ITPR2: variants seen among roughly 807,000 people sequenced by gnomAD.
The protein encoded by ITPR2 is inositol 1,4,5-trisphosphate receptor type 2, also known as inositol 1,4,5-trisphosphate-gated calcium channel ITPR2.
A neutral mutation model predicts 317.1 loss-of-function variants in ITPR2; 207 were observed. The observed-to-expected ratio is 0.65, with a 90% CI of 0.58 to 0.73. The LOEUF is 0.73. Ranked by LOEUF, ITPR2 falls within the 30% of genes least tolerant of loss-of-function variation. The pLI is 0.00. For missense variants in ITPR2, 2,613 were observed against 3,284.0 expected (o/e 0.80, Z 4.99); for synonymous variants, 1,156 against 1,149.1 (o/e 1.01, Z -0.12).
At chr12:26,578,692 A>T in intron 34 of ITPR2, 21 bp downstream of exon 34, 2 of 1,568,886 alleles carry the variant, frequency 1.3e-6, no homozygotes, top group Non-Finnish European at 1.7e-6. Flanking sequence ...AAAAATAAGT[A>T]AAACTCAAAC....
At chr12:26,721,787 AT>A (rs1289350376) in intron 5 of ITPR2, among the ~76,000 whole-genome samples, 4 of 150,860 alleles carry the variant, frequency 2.7e-5, no homozygotes. Context: ...CATTAAAAAA[AT>A]TTTTTTTTTA....
chr12:26,511,479 T>C (rs769067832), intron 37 of ITPR2, among the ~76,000 whole-genome samples: 6 of 152,228 alleles, frequency 3.9e-5, no homozygotes, highest in Non-Finnish European at 5.9e-5. Context: ...GGTAGAGTGA[T>C]TGTTCATCAG....
chr12:26,466,986 C>T (rs934748391), intron 45 of ITPR2, among the ~76,000 whole-genome samples: 1 of 152,152 alleles, frequency 6.6e-6, no homozygotes, highest in African/African-American at 2.4e-5. Flanking sequence ...CAATTACAAA[C>T]CATCCTTCTG....
chr12:26,733,716 T>G (rs1422034498), intron 2 of ITPR2, among the ~76,000 whole-genome samples: 1 of 152,158 alleles, frequency 6.6e-6, no homozygotes, highest in African/African-American at 2.4e-5. Flanking sequence ...TGTATTCTTG[T>G]CAAGGTTTGA....
chr12:26,716,840 A>C (rs1306638940), intron 5 of ITPR2, among the ~76,000 whole-genome samples: 1 of 152,152 alleles, frequency 6.6e-6, no homozygotes, highest in Non-Finnish European at 1.5e-5. Context: ...AAATATATTA[A>C]ACTAATATTG....
chr12:26,450,605 G>T (rs1187997503), intron 45 of ITPR2, among the ~76,000 whole-genome samples: 1 of 152,102 alleles, frequency 6.6e-6, no homozygotes, highest in Admixed American at 6.6e-5. Context: ...ACTCACTACG[G>T]CAGGTGAATA....
intron 21 of ITPR2, among the ~76,000 whole-genome samples, chr12:26,650,478 T>C (rs1947222794): frequency 6.6e-6 from 1 of 152,222 alleles, no homozygotes; most frequent in Non-Finnish European, 1.5e-5. Flanking sequence ...GGTTCACTAG[T>C]TGTAATAAAT....
At chr12:26,744,542 C>T (rs181679609) in intron 2 of ITPR2, among the ~76,000 whole-genome samples, 5 of 152,358 alleles carry the variant, frequency 3.3e-5, no homozygotes, top group Admixed American at 3.3e-4. Context: ...ATGTCACCAT[C>T]TGATAAATGC....
intron 37 of ITPR2, among the ~76,000 whole-genome samples, chr12:26,548,229 T>G (rs1475464110): frequency 6.6e-6 from 1 of 152,204 alleles, no homozygotes; most frequent in East Asian, 1.9e-4. Context: ...CCGGTGGCAT[T>G]GAGGCTTGAT....
intron 55 of ITPR2, among the ~76,000 whole-genome samples, chr12:26,350,995 G>A (rs961722909): frequency 2.0e-5 from 3 of 152,156 alleles, no homozygotes; most frequent in Non-Finnish European, 4.4e-5. Context: ...GGACTGGGGA[G>A]GTCTAAGAAG....
chr12:26,820,028 G>A (rs1950915761), intron 1 of ITPR2, among the ~76,000 whole-genome samples: 1 of 152,134 alleles, frequency 6.6e-6, no homozygotes, highest in Non-Finnish European at 1.5e-5. Flanking sequence ...TCAAGATCAT[G>A]CCACTGCACT....
intron 1 of ITPR2, among the ~76,000 whole-genome samples, chr12:26,822,205 CA>C (rs1950947675): frequency 6.6e-6 from 1 of 152,098 alleles, no homozygotes; most frequent in African/African-American, 2.4e-5. Flanking sequence ...GTAATCTGCA[CA>C]AAGAAATTTT....
intron 2 of ITPR2, among the ~76,000 whole-genome samples, chr12:26,744,753 C>T (rs1251926239): frequency 1.3e-5 from 2 of 152,154 alleles, no homozygotes; most frequent in Non-Finnish European, 2.9e-5. Flanking sequence ...TCATAGCAGC[C>T]TGTAATTTCA....
At chr12:26,594,145 A>T (rs1325466356) in intron 32 of ITPR2, among the ~76,000 whole-genome samples, 4 of 152,224 alleles carry the variant, frequency 2.6e-5, no homozygotes, top group African/African-American at 9.6e-5. Flanking sequence ...TGCATAAAAC[A>T]GGACGATTTC....
intron 34 of ITPR2, among the ~76,000 whole-genome samples, chr12:26,563,790 T>C (rs915309053): frequency 8.5e-5 from 13 of 152,150 alleles, no homozygotes; most frequent in Non-Finnish European, 1.6e-4. Flanking sequence ...TCATACAGAA[T>C]TCCAGGTCAG....
chr12:26,484,923 G>T (rs1219277761), intron 41 of ITPR2, among the ~76,000 whole-genome samples: 1 of 152,084 alleles, frequency 6.6e-6, no homozygotes, highest in East Asian at 1.9e-4. Context: ...CACTGGGTTG[G>T]CCAGGATGGT....
chr12:26,580,143 T>A lies in ITPR2; in HGVS notation c.4393A>T (p.Thr1465Ser), dbSNP rs1945367418. 1 of 1,611,538 alleles carries A rather than the reference T, an allele frequency of 6.2e-7. No individual in the cohort carries two copies. The highest frequency in any genetic ancestry group is 1.3e-5 in the African/African-American group (1 of 74,870). ...ATGTCTGCATGTTTCCTGTCTGTAG[T>A]TGTGTTGCAAACCTGGAGAGAAAAT... ...LVDMARVCNT[T>S]TDRKHADIFL... The change falls in exon 33 of 57, where the codon ACT becomes TCT. Residue 1465 changes from threonine to serine, a missense_variant. Around this residue, in one of 9 missense-constraint regions of ITPR2, gnomAD observed 926 missense variants for 1,072.8 expected, o/e 0.86. Transcript: ENST00000381340.
intron 13 of ITPR2, among the ~76,000 whole-genome samples, chr12:26,672,068 C>A (rs1251027840): frequency 6.6e-6 from 1 of 152,118 alleles, no homozygotes; most frequent in Non-Finnish European, 1.5e-5. Context: ...GAGTGACCTA[C>A]AAAGAGACTT....
At chr12:26,438,752 G>C (rs995612158) in intron 47 of ITPR2, among the ~76,000 whole-genome samples, 1 of 152,206 alleles carries the variant, frequency 6.6e-6, no homozygotes, top group Non-Finnish European at 1.5e-5. Context: ...CAGAGGAAGA[G>C]TGCGCAGGAG....
Sources: allele counts gnomAD v4.1 joint callset (sites outside exome capture counted in the v4.1 genomes callset), GRCh38; gene constraint gnomAD v4.1.1; regional missense constraint gnomAD v4.1.1; transcripts MANE v1.5; gene names NCBI Gene and HGNC (gene_info 2026-07-23, HGNC 2026-07-21).